The following FAM227B variants were observed in gnomAD, a reference collection of about 807,000 sequenced individuals.
The protein encoded by FAM227B is protein FAM227B.
A neutral mutation model predicts 73.8 loss-of-function variants in FAM227B; 88 were observed. That is an observed-to-expected ratio of 1.19 (90% CI 1.00 to 1.42). FAM227B has a LOEUF of 1.42. Among genes scored for constraint, FAM227B ranks in the 40% most tolerant of loss-of-function variants. The pLI, the probability that FAM227B is intolerant of heterozygous loss-of-function variation, is 0.00. For synonymous variants in FAM227B, 210 were observed against 190.5 expected, an observed-to-expected ratio of 1.10 and a Z score of -0.84; for missense variants, 632 against 590.9, an observed-to-expected ratio of 1.07 and a Z score of -0.72.
rs148925050 is a variant in FAM227B, at chr15:49,541,769, G to A, written c.785C>T (p.Thr262Met). The stretch of plus-strand genomic sequence containing the variant: ...CGATTCTGGAAATGCTTCATGGAAC[G>A]TTGCATATATGGCTTGTGCCAAACA... ...PDCLAQAIYA[T>M]FHEAFPESSY... Residue 262 changes from threonine (T) to methionine (M), a missense_variant, in exon 10 of 16, where the codon ACG (threonine) becomes ATG (methionine). Coordinates refer to ENST00000299338, the MANE Select transcript of FAM227B (RefSeq NM_152647.3). 23 of 1,535,944 alleles carry A rather than the reference G, an allele frequency of 1.5e-5. No individual in the cohort carries two copies. The Admixed American group carries it at 1.7e-4, about 12-fold the overall frequency.
intron 11 of FAM227B, among the ~76,000 whole-genome samples, chr15:49,392,107 A>C (rs2047250260): frequency 6.6e-6 from 1 of 152,206 alleles, no homozygotes; most frequent in African/African-American, 2.4e-5. Context: ...AACATATTAC[A>C]GGTCATACTT....
chr15:49,328,600 C>T lies in FAM227B; in HGVS notation c.1495G>A (p.Asp499Asn). ...TCTTCTTCCTCAAAGTTGTAGTTGT[C>T]TGTTGATGATGGTGATGATGATGAT... The part of the protein sequence containing the change: ...SSSSSSPSST[D>N]NYNFEEEEY Residue 499 changes from aspartate (D) to asparagine (N), a missense_variant, in exon 16 of 16, where the codon GAC (aspartate) becomes AAC (asparagine). Physicochemically the swap from Asp to Asn is conservative, Grantham distance 23 (BLOSUM62 1). Transcript: ENST00000299338. 1 of 1,595,558 alleles carries T rather than the reference C, an allele frequency of 6.3e-7. No homozygotes were observed. Among genetic ancestry groups the T allele is most frequent in the Non-Finnish European group, 8.6e-7 (1 of 1,167,948 alleles).
At chr15:49,328,830 A>C in intron 15 of FAM227B, 155 bp from the exon 16 acceptor site, 1 of 1,407,882 alleles carries the variant, frequency 7.1e-7, no homozygotes, top group Non-Finnish European at 9.2e-7. Context: ...GACTCATTTG[A>C]ATATTTGTAA....
intron 11 of FAM227B, among the ~76,000 whole-genome samples, chr15:49,427,569 T>C (rs2050233768): frequency 6.6e-6 from 1 of 152,034 alleles, no homozygotes; most frequent in African/African-American, 2.4e-5. Context: ...TGAAAAGTAA[T>C]ATGCCAGCTA....
At chr15:49,501,058 C>A (rs1281003257) in intron 11 of FAM227B, among the ~76,000 whole-genome samples, 2 of 152,176 alleles carry the variant, frequency 1.3e-5, no homozygotes, top group East Asian at 3.8e-4. Context: ...AATTAAACCT[C>A]TTTTTCTTGT....
intron 11 of FAM227B, among the ~76,000 whole-genome samples, chr15:49,406,269 C>T (rs1228554536): frequency 6.6e-6 from 1 of 152,098 alleles, no homozygotes; most frequent in African/African-American, 2.4e-5. Flanking sequence ...TGGTGGGGTG[C>T]ACACTCGTTG....
At chr15:49,447,931 C>T (rs1291349169) in intron 11 of FAM227B, among the ~76,000 whole-genome samples, 1 of 151,626 alleles carries the variant, frequency 6.6e-6, no homozygotes, top group Non-Finnish European at 1.5e-5. Context: ...GGCTCGTGTC[C>T]TTTAAAGATC....
At chr15:49,442,320 G>A (rs923322282) in intron 11 of FAM227B, among the ~76,000 whole-genome samples, 1 of 151,294 alleles carries the variant, frequency 6.6e-6, no homozygotes, top group African/African-American at 2.4e-5. Context: ...CATTCTTCAG[G>A]GCCCAGATTA....
At chr15:49,518,698 T>C (rs2059561449) in intron 10 of FAM227B, among the ~76,000 whole-genome samples, 1 of 152,114 alleles carries the variant, frequency 6.6e-6, no homozygotes, top group African/African-American at 2.4e-5. Flanking sequence ...CATGATTCAA[T>C]TATTTTCCAC....
chr15:49,600,662 A>AG (rs1324257757), intron 3 of FAM227B, among the ~76,000 whole-genome samples: 5 of 148,102 alleles, frequency 3.4e-5, no homozygotes, highest in African/African-American at 1.2e-4. Flanking sequence ...CTCAAAAAAA[A>AG]AAAAAAAATC....
intron 11 of FAM227B, among the ~76,000 whole-genome samples, chr15:49,458,670 C>T (rs960815863): frequency 2.0e-5 from 3 of 152,104 alleles, no homozygotes; most frequent in Admixed American, 1.3e-4. Context: ...TCTAATACTT[C>T]AGAAAACAAA....
chr15:49,392,357 T>A (rs1184181493), intron 11 of FAM227B, among the ~76,000 whole-genome samples: 1 of 152,128 alleles, frequency 6.6e-6, no homozygotes, highest in Non-Finnish European at 1.5e-5. Context: ...GGTGCCACTA[T>A]ACTACAGTGG....
At chr15:49,547,376 A>C (rs4340273) in intron 9 of FAM227B, among the ~76,000 whole-genome samples, 1 of 148,450 alleles carries the variant, frequency 6.7e-6, no homozygotes, top group Non-Finnish European at 1.5e-5. Flanking sequence ...ATCAACTAAC[A>C]AGCAAAATAA....
chr15:49,431,349 T>C (rs1176439726), intron 11 of FAM227B, among the ~76,000 whole-genome samples: 1 of 151,824 alleles, frequency 6.6e-6, no homozygotes, highest in Admixed American at 6.6e-5. Flanking sequence ...ATATCTTTAG[T>C]AGAGAAGTCG....
chr15:49,487,186 T>A (rs1217673723), intron 11 of FAM227B: 1 of 151,860 alleles, frequency 6.6e-6, no homozygotes, highest in Non-Finnish European at 1.5e-5. Flanking sequence ...AAAGAAATTA[T>A]GTAGTTTTCA....
At chr15:49,354,526 G>A (rs908924748) in intron 13 of FAM227B, among the ~76,000 whole-genome samples, 1 of 152,204 alleles carries the variant, frequency 6.6e-6, no homozygotes, top group African/African-American at 2.4e-5. Context: ...CCTGAATACT[G>A]CACTTTTCCG....
intron 11 of FAM227B, chr15:49,485,512 C>G (rs190085424): frequency 1.3e-5 from 2 of 152,096 alleles, no homozygotes; most frequent in African/African-American, 2.4e-5. Flanking sequence ...GTTTCATATG[C>G]TTTTAATTTT....
chr15:49,599,320 A>T lies in FAM227B; in HGVS notation c.106-9313T>A, dbSNP rs2077055350. On this transcript the variant is annotated intron_variant, in intron 3 of 15. Transcript: ENST00000299338. ...TTTCATTTCTGATTCTATTTATTTG[A>T]ATCTTTCTTCTTTTTTTCCCTTAGT... is the stretch of plus-strand genomic sequence containing the variant. 4.6e-5 allele frequency among the ~76,000 whole-genome samples: 7 copies of T among 151,878 alleles called. No homozygotes were observed. In the South Asian group the frequency reaches 1.5e-3, roughly 32 times the overall value.
chr15:49,397,445 C>A (rs577115698), intron 11 of FAM227B, among the ~76,000 whole-genome samples: 2 of 152,064 alleles, frequency 1.3e-5, no homozygotes. Context: ...TCCAGGAGAA[C>A]TTCCCCAATC....
Sources: allele counts gnomAD v4.1 joint callset (sites outside exome capture counted in the v4.1 genomes callset), GRCh38; gene constraint gnomAD v4.1.1; transcripts MANE v1.5; gene names NCBI Gene and HGNC (gene_info 2026-07-23, HGNC 2026-07-21).